Variants in CNTN4 observed in about 807,000 individuals in gnomAD.
CNTN4 encodes contactin 4, also known as contactin-4.
In CNTN4, 77 loss-of-function variants were observed where a neutral mutation model predicts 122.5. The observed-to-expected ratio is 0.63, with a 90% CI of 0.52 to 0.76. CNTN4 has a LOEUF of 0.76. Ranked by LOEUF, CNTN4 falls within the 30% of genes least tolerant of loss-of-function variation. The pLI is 0.00. For missense variants in CNTN4, 1,256 were observed against 1,259.1 expected, an observed-to-expected ratio of 1.00 and a Z score of 0.04; for synonymous variants, 512 against 447.0, an observed-to-expected ratio of 1.15 and a Z score of -1.83.
chr3:2,130,787 C>G (rs1254422666), intron 2 of CNTN4, among the ~76,000 whole-genome samples: 1 of 152,008 alleles, frequency 6.6e-6, no homozygotes. Flanking sequence ...TATCTGAAGC[C>G]CTTGGGGTCA....
At chr3:2,446,643 T>C (rs188490350) in intron 3 of CNTN4, among the ~76,000 whole-genome samples, 1 of 152,332 alleles carries the variant, frequency 6.6e-6, no homozygotes. Context: ...TCTCTCTAAG[T>C]GTAAAACACC....
intron 6 of CNTN4, 51 bp downstream of exon 6, chr3:2,745,748 A>G (rs777242953): frequency 3.9e-6 from 6 of 1,519,174 alleles, no homozygotes; most frequent in Non-Finnish European, 5.5e-6. Context: ...TTTGTGTACC[A>G]TTATACCAAT....
At chr3:3,043,569 C>T (rs760875426) in intron 22 of CNTN4, 23 bp from the exon 23 acceptor site, 20 of 1,525,704 alleles carry the variant, frequency 1.3e-5, no homozygotes, top group Admixed American at 6.7e-5. Context: ...TCTGTGACTT[C>T]GTATATCTTA....
At chr3:2,366,511 A>C (rs1200093235) in intron 3 of CNTN4, among the ~76,000 whole-genome samples, 2 of 152,128 alleles carry the variant, frequency 1.3e-5, no homozygotes, top group Non-Finnish European at 2.9e-5. Flanking sequence ...GCGGATCATG[A>C]GGTCAGGAGA....
chr3:2,739,153 TAGTGAAC>T (rs2089311622), intron 5 of CNTN4, among the ~76,000 whole-genome samples: 2 of 152,100 alleles, frequency 1.3e-5, no homozygotes, highest in Non-Finnish European at 2.9e-5. Flanking sequence ...TCAATATCAT[TAGTGAAC>T]AGAAATATAT....
At chr3:2,832,004 T>G (rs1046688379) in intron 7 of CNTN4, among the ~76,000 whole-genome samples, 4 of 152,260 alleles carry the variant, frequency 2.6e-5, no homozygotes, top group Non-Finnish European at 4.4e-5. Context: ...TACTGCAAAC[T>G]GAGGTAGCTA....
intron 2 of CNTN4, among the ~76,000 whole-genome samples, chr3:2,271,930 T>C (rs1187229580): frequency 6.6e-6 from 1 of 152,166 alleles, no homozygotes; most frequent in Non-Finnish European, 1.5e-5. Flanking sequence ...TACTAAAATG[T>C]TACTAAAATC....
chr3:2,274,599 C>T (rs1358026474), intron 2 of CNTN4, among the ~76,000 whole-genome samples: 1 of 152,118 alleles, frequency 6.6e-6, no homozygotes, highest in East Asian at 1.9e-4. Flanking sequence ...CATATTTCTC[C>T]TTTATTAAAG....
intron 2 of CNTN4, among the ~76,000 whole-genome samples, chr3:2,261,394 A>G (rs1469339864): frequency 6.6e-6 from 1 of 152,158 alleles, no homozygotes; most frequent in Non-Finnish European, 1.5e-5. Context: ...ATGTTACTGC[A>G]TGTGCTCTTA....
At chr3:2,581,331 C>A (rs371170964) in intron 4 of CNTN4, among the ~76,000 whole-genome samples, 7 of 152,030 alleles carry the variant, frequency 4.6e-5, no homozygotes, top group South Asian at 2.1e-4. Flanking sequence ...ACCTCAGAGA[C>A]TTTAATATAT....
At chr3:2,658,203 G>T (rs2083687629) in intron 4 of CNTN4, among the ~76,000 whole-genome samples, 1 of 151,714 alleles carries the variant, frequency 6.6e-6, no homozygotes, top group Admixed American at 6.6e-5. Context: ...GAGCCTGGCT[G>T]CTCCTCTTCC....
chr3:2,749,817 A>T (rs2090001651), intron 6 of CNTN4, among the ~76,000 whole-genome samples: 1 of 152,212 alleles, frequency 6.6e-6, no homozygotes, highest in African/African-American at 2.4e-5. Flanking sequence ...ATCAAAAGAC[A>T]TTGCCTATAT....
chr3:2,920,752 A>G (rs1043910705), intron 12 of CNTN4, among the ~76,000 whole-genome samples: 6 of 152,244 alleles, frequency 3.9e-5, no homozygotes, highest in Middle Eastern at 3.4e-3. Flanking sequence ...TGTTCAATAC[A>G]TGTATTATTT....
chr3:2,741,727 G>A (rs1439883064), intron 5 of CNTN4, among the ~76,000 whole-genome samples: 18 of 152,210 alleles, frequency 1.2e-4, no homozygotes, highest in Admixed American at 1.2e-3. Context: ...AAGGTCAGAT[G>A]TTAGCCGTAA....
rs377157789 is a variant in CNTN4 at position 2,747,184 on chromosome 3, C to T, written c.358+1487C>T. Among the ~76,000 whole-genome samples, 81 of 151,734 alleles carry T rather than the reference C, an allele frequency of 5.3e-4. No homozygotes were observed. In the East Asian group the frequency reaches 0.011, roughly 20 times the overall value. ...CAGCATTTTGGGAGGCCGAGGCGGG[C>T]GGATCACGAGGTCAGGAGATCGAGA... On this transcript the variant is annotated intron_variant, in intron 6 of 24. Transcript: ENST00000418658.
chr3:2,277,770 A>G (rs1236064365), intron 2 of CNTN4, among the ~76,000 whole-genome samples: 2 of 152,098 alleles, frequency 1.3e-5, no homozygotes, highest in African/African-American at 4.8e-5. Flanking sequence ...TGTAGGTGAG[A>G]TGCACCTACA....
At chr3:2,675,686 G>C (rs141153529) in intron 4 of CNTN4, among the ~76,000 whole-genome samples, 1 of 152,272 alleles carries the variant, frequency 6.6e-6, no homozygotes, top group African/African-American at 2.4e-5. Context: ...TAGCTGTTCT[G>C]AATAATGACT....
At chr3:2,644,176 G>A (rs2083016995) in intron 4 of CNTN4, among the ~76,000 whole-genome samples, 1 of 152,188 alleles carries the variant, frequency 6.6e-6, no homozygotes. Flanking sequence ...GGGCAGATAA[G>A]GAAGCCCCTA....
intron 2 of CNTN4, among the ~76,000 whole-genome samples, chr3:2,156,684 C>T (rs1043561034): frequency 6.6e-6 from 1 of 152,116 alleles, no homozygotes; most frequent in Non-Finnish European, 1.5e-5. Context: ...AGAGAGAAGG[C>T]AAGTCATTTA....
Sources: allele counts gnomAD v4.1 joint callset (sites outside exome capture counted in the v4.1 genomes callset), GRCh38; gene constraint gnomAD v4.1.1; transcripts MANE v1.5; gene names NCBI Gene and HGNC (gene_info 2026-07-23, HGNC 2026-07-21).